Variants in TOX2 observed in about 807,000 individuals in gnomAD.
The protein encoded by TOX2 is TOX high mobility group box family member 2.
A neutral mutation model predicts 47.4 loss-of-function variants in TOX2; 15 were observed. The ratio of observed to expected loss-of-function variants is 0.32; its 90% CI spans 0.21 to 0.49. The LOEUF (loss-of-function observed/expected upper bound fraction) is 0.49. Among genes scored for constraint, TOX2 ranks in the 20% least tolerant of loss-of-function variants. The probability of loss-of-function intolerance (pLI) is 0.99; values close to 1 mark genes in which losing one functional copy is unlikely to be tolerated. For synonymous variants in TOX2, 290 were observed against 296.6 expected (o/e 0.98, Z 0.23); for missense variants, 622 against 673.1 (o/e 0.92, Z 0.84).
rs2071506032 is a variant in TOX2 at position 44,051,344 on chromosome 20, C to T, written c.450C>T (p.Asp150=). The T allele has an allele frequency of 1.9e-6, 3 of 1,612,920 alleles. No homozygotes were observed. The highest frequency in any genetic ancestry group is 1.7e-6 in the Non-Finnish European group (2 of 1,179,214). ...TCCACTCGGAAGTGGCTGCCTATGACTCGGGCCGGCCCGGGCCCCTGCTGG... is the reference window on the plus strand; with the variant it reads ...TCCACTCGGAAGTGGCTGCCTATGATTCGGGCCGGCCCGGGCCCCTGCTGG... ...EMVHSEVAAY[D]SGRPGPLLGR... is the part of the protein sequence containing the mutation. Residue 150 remains aspartate (D), a synonymous_variant, in exon 4 of 9, where the codon GAC becomes GAT. Coordinates refer to ENST00000341197, the MANE Select transcript of TOX2 (RefSeq NM_001098797.2).
intron 3 of TOX2, among the ~76,000 whole-genome samples, chr20:44,015,199 T>C (rs1600738922): frequency 6.6e-6 from 1 of 152,290 alleles, no homozygotes; most frequent in East Asian, 1.9e-4. Flanking sequence ...TTCCTTTGTA[T>C]TTACCAGAGT....
rs556437802 is a variant in TOX2, at chr20:44,040,371, G to T, written c.412-10935G>T. Reference sequence around the variant, plus strand: ...AGCAGGAAGGACTGGCTGGAGAGGTGGTTGGACAGTCAAGCACTGGGCCCT... The same window carrying T: ...AGCAGGAAGGACTGGCTGGAGAGGTTGTTGGACAGTCAAGCACTGGGCCCT... On this transcript the variant is annotated intron_variant, in intron 3 of 8. Transcript: ENST00000341197. 3.8e-4 allele frequency among the ~76,000 whole-genome samples: 58 copies of T among 152,264 alleles called. No individual in the cohort carries two copies. In the South Asian group the frequency reaches 0.012, roughly 30 times the overall value.
In TOX2 at chr20:44,051,483, A is replaced by G; in HGVS notation, c.589A>G (p.Lys197Glu). The G allele has an allele frequency of 6.2e-7, 1 of 1,613,142 alleles. No homozygotes were observed. The highest frequency in any genetic ancestry group is 8.5e-7 in the Non-Finnish European group (1 of 1,179,476). The change falls in exon 4 of 9, where the codon AAG becomes GAG. Residue 197 changes from lysine to glutamate, a missense_variant. By Grantham distance (56) the Lys-to-Glu change is moderately conservative (BLOSUM62 1). This residue lies in a region of TOX2 where 307 missense variants were observed against 327.3 expected (regional missense o/e 0.94). Coordinates refer to ENST00000341197, the MANE Select transcript of TOX2 (RefSeq NM_001098797.2). ...AHSSPSPPGS[K>E]SATPSPSSST... ...CAGCTCCCCATCACCGCCGGGGAGC[A>G]AGTCAGCGACCCCCTCTCCCTCCAG... is the stretch of plus-strand genomic sequence containing the variant.
chr20:43,989,797 A>C (rs1033261705), intron 2 of TOX2, among the ~76,000 whole-genome samples: 14 of 151,204 alleles, frequency 9.3e-5, no homozygotes, highest in African/African-American at 2.4e-4. Context: ...AAAAAAAAAA[A>C]CCCACCCAGC....
chr20:43,951,707 G>GGTTTTTTTTTTTTTTTTTTTTTTTTTTT lies in TOX2; in HGVS notation c.100-21660_100-21659insGTTTTTTTTTTTTTTTTTTTTTTTTTTT, dbSNP rs745489872. Among the ~76,000 whole-genome samples, 8 of 55,094 alleles carry GGTTTTTTTTTTTTTTTTTTTTTTTTTTT rather than the reference G, an allele frequency of 1.5e-4. No homozygotes were observed. In the East Asian group the frequency reaches 1.6e-3, roughly 11 times the overall value. 36.1% of individuals were successfully genotyped at this position (55,094 alleles called of 152,430 possible). ...TGACCATTACTATTAAACTTATTAT[G>GGTTTTTTTTTTTTTTTTTTTTTTTTTTT]TTTTTTTTTTTTTTTTTTTTTAGAG... On this transcript the variant is annotated intron_variant, in intron 1 of 8. Coordinates refer to ENST00000341197, the MANE Select transcript of TOX2 (RefSeq NM_001098797.2).
chr20:43,986,222 A>G (rs558534126), intron 2 of TOX2, among the ~76,000 whole-genome samples: 3 of 151,976 alleles, frequency 2.0e-5, no homozygotes, highest in Non-Finnish European at 4.4e-5. Flanking sequence ...GCAACAGGAA[A>G]GATATAATGG....
At chr20:44,033,316 G>A (rs2145694345) in intron 3 of TOX2, among the ~76,000 whole-genome samples, 1 of 152,216 alleles carries the variant, frequency 6.6e-6, no homozygotes, top group Non-Finnish European at 1.5e-5. Flanking sequence ...TCAGAGAGCA[G>A]TGTGCCCCTG....
chr20:44,065,479 C>G (rs2071796683), intron 6 of TOX2, among the ~76,000 whole-genome samples: 1 of 152,200 alleles, frequency 6.6e-6, no homozygotes, highest in African/African-American at 2.4e-5. Flanking sequence ...GGCTGAGGAG[C>G]ATGGATTCCC....
At chr20:43,979,820 C>T (rs1223450107) in intron 2 of TOX2, among the ~76,000 whole-genome samples, 3 of 152,114 alleles carry the variant, frequency 2.0e-5, no homozygotes, top group Non-Finnish European at 4.4e-5. Flanking sequence ...ATCAAAACTA[C>T]AATGAAATGT....
chr20:44,028,756 T>G (rs546137204), intron 3 of TOX2, among the ~76,000 whole-genome samples: 1 of 152,230 alleles, frequency 6.6e-6, no homozygotes, highest in Non-Finnish European at 1.5e-5. Context: ...GGCAGGGCTC[T>G]CAGACCCCTT....
chr20:44,057,895 C>T (rs2071650089), intron 5 of TOX2, among the ~76,000 whole-genome samples: 1 of 152,194 alleles, frequency 6.6e-6, no homozygotes, highest in Non-Finnish European at 1.5e-5. Context: ...GCAGTGGAGC[C>T]AAACTGGGCC....
At chr20:44,043,015 A>G (rs1031734780) in intron 3 of TOX2, among the ~76,000 whole-genome samples, 2 of 152,200 alleles carry the variant, frequency 1.3e-5, no homozygotes, top group Non-Finnish European at 2.9e-5. Flanking sequence ...CTATTTTGGT[A>G]AAACTGGAGG....
intron 3 of TOX2, among the ~76,000 whole-genome samples, chr20:44,029,110 C>T (rs1029720035): frequency 6.6e-6 from 1 of 152,238 alleles, no homozygotes; most frequent in Non-Finnish European, 1.5e-5. Context: ...CCCCCTGACA[C>T]TCAGGGTCGC....
intron 1 of TOX2, among the ~76,000 whole-genome samples, chr20:43,927,625 C>CCTTCCCTTCCCCT (rs2069188238): frequency 1.2e-5 from 1 of 81,344 alleles, no homozygotes; most frequent in African/African-American, 6.2e-5. Context: ...TCCTTCCTTC[C>CCTTCCCTTCCCCT]TCCTTCCTTC....
chr20:43,940,130 A>G (rs1161192408), intron 1 of TOX2, among the ~76,000 whole-genome samples: 5 of 152,118 alleles, frequency 3.3e-5, no homozygotes, highest in African/African-American at 1.2e-4. Flanking sequence ...GCAGAGCTCA[A>G]TCAGGAACCT....
At chr20:44,018,953 T>A (rs1191198085) in intron 3 of TOX2, among the ~76,000 whole-genome samples, 1 of 152,150 alleles carries the variant, frequency 6.6e-6, no homozygotes, top group Non-Finnish European at 1.5e-5. Context: ...ACTGTCTCTC[T>A]CAGAGCCTCA....
At chr20:43,960,152 G>C (rs973477819) in intron 1 of TOX2, among the ~76,000 whole-genome samples, 27 of 152,228 alleles carry the variant, frequency 1.8e-4, no homozygotes, top group Admixed American at 1.8e-3. Flanking sequence ...TGCCTGGCTT[G>C]TTGTTAGTGT....
chr20:44,036,398 C>A (rs115630003), intron 3 of TOX2, among the ~76,000 whole-genome samples: 302 of 152,318 alleles, frequency 2.0e-3, no homozygotes, highest in African/African-American at 6.7e-3. Flanking sequence ...AGCTGTGCCG[C>A]CTACGGCCAA....
intron 2 of TOX2, among the ~76,000 whole-genome samples, chr20:43,992,950 A>G (rs2070396366): frequency 6.6e-6 from 1 of 152,116 alleles, no homozygotes; most frequent in African/African-American, 2.4e-5. Flanking sequence ...CATGTCCAAA[A>G]CTGAGCTCGT....
Sources: allele counts gnomAD v4.1 joint callset (sites outside exome capture counted in the v4.1 genomes callset), GRCh38; gene constraint gnomAD v4.1.1; regional missense constraint gnomAD v4.1.1; transcripts MANE v1.5; gene names NCBI Gene and HGNC (gene_info 2026-07-23, HGNC 2026-07-21).